RAPGEF6: variants seen among roughly 807,000 people sequenced by gnomAD.
The protein encoded by RAPGEF6 is Rap guanine nucleotide exchange factor 6.
Under a neutral mutation model 171.4 loss-of-function variants are expected in RAPGEF6, and 56 were observed. That is an observed-to-expected ratio of 0.33 (90% CI 0.26 to 0.41). RAPGEF6 has a LOEUF of 0.41. RAPGEF6 is among the 10% of genes least tolerant of loss of function. The pLI is 1.00. For missense variants in RAPGEF6, 1,674 were observed against 1,921.4 expected (o/e 0.87, Z 2.41); for synonymous variants, 692 against 650.1 (o/e 1.06, Z -0.98).
chr5:131,612,089 A>T (rs1013759246), intron 1 of RAPGEF6, among the ~76,000 whole-genome samples: 1 of 152,038 alleles, frequency 6.6e-6, no homozygotes, highest in Non-Finnish European at 1.5e-5. Context: ...GGCTGAGTGC[A>T]GTGACGGCAA....
In RAPGEF6 at chr5:131,517,816, CACACACAA is replaced by C. The variant is rs1287680710; in HGVS notation, c.627+3566_627+3573del. Among the ~76,000 whole-genome samples the C allele has an allele frequency of 2.0e-4, 26 of 127,772 alleles. No homozygotes were observed. In the South Asian group the frequency reaches 3.8e-3, roughly 19 times the overall value. The allele number at this position is 127,772 out of a possible 152,430, so 83.8% of individuals were successfully genotyped here. A position where few individuals can be genotyped will look rare whatever the true frequency, so the allele number is the denominator to read the frequency against. Reference sequence around the variant, plus strand: ...ACACACACACACACACACACACACACACACACAAAATTTAGTTAGACATTTCTCTTACC... The same window carrying C: ...ACACACACACACACACACACACACACAATTTAGTTAGACATTTCTCTTACC... On this transcript the variant is annotated intron_variant, in intron 7 of 27. Coordinates refer to ENST00000509018, the MANE Select transcript of RAPGEF6 (RefSeq NM_016340.6).
chr5:131,506,545 G>A (rs764625538), intron 9 of RAPGEF6, among the ~76,000 whole-genome samples: 21 of 152,236 alleles, frequency 1.4e-4, no homozygotes, highest in Admixed American at 3.3e-4. Context: ...TGATTTAAGG[G>A]AAATCAAGAT....
chr5:131,635,021 G>T lies in RAPGEF6; in HGVS notation c.10C>A (p.Pro4Thr), dbSNP rs1352482682. ...GCCTGCCTAGCGCCAGGGTCCACGG[G>T]TGAGTTCATGGCCACGGCCCGGGTA... MNS[P>T]VDPGARQALR... The change falls in exon 1 of 28, where the codon CCC (proline) becomes ACC (threonine). Residue 4 changes from proline to threonine, a missense_variant. By Grantham distance (38) the Pro-to-Thr change is conservative. This residue lies in a region of RAPGEF6 where 1,116 missense variants were observed against 1,321.5 expected (regional missense o/e 0.84). Coordinates refer to ENST00000509018, the MANE Select transcript of RAPGEF6 (RefSeq NM_016340.6). The T allele has an allele frequency of 1.2e-6, 2 of 1,611,566 alleles. No individual in the cohort carries two copies. The highest frequency in any genetic ancestry group is 3.3e-5 in the Admixed American group (2 of 59,896).
In RAPGEF6 at chr5:131,493,359, C is replaced by T. The variant is rs551442154; in HGVS notation, c.1528-574G>A. Among the ~76,000 whole-genome samples the T allele has an allele frequency of 1.2e-4, 19 of 152,196 alleles. No individual in the cohort carries two copies. In the South Asian group the frequency reaches 1.7e-3, roughly 13 times the overall value. On this transcript the variant is annotated intron_variant, in intron 13 of 27. Coordinates refer to ENST00000509018, the MANE Select transcript of RAPGEF6 (RefSeq NM_016340.6). ...GATTACAGGCATGAGCCACCGCGCC[C>T]GACCTACTTATCATTTCTTAAACTT...
At position 131,433,548 on chromosome 5, in the gene RAPGEF6, C is replaced by T. The variant is rs767825154; in HGVS notation, c.3856G>A (p.Ala1286Thr). 2.5e-6 allele frequency: 4 copies of T among 1,613,036 alleles called. No homozygotes were observed. Among genetic ancestry groups the T allele is most frequent in the East Asian group, 2.2e-5 (1 of 44,880 alleles). Residue 1286 changes from alanine (A) to threonine (T), a missense_variant, in exon 25 of 28, where the codon GCA becomes ACA. Physicochemically the swap from Ala to Thr is moderately conservative, Grantham distance 58. This residue lies in a region of RAPGEF6 where 552 missense variants were observed against 574.2 expected (regional missense o/e 0.96). Coordinates refer to ENST00000509018, the MANE Select transcript of RAPGEF6 (RefSeq NM_016340.6). Reference sequence around the variant, plus strand: ...GAACACCGTTCATCCTGTAGAGCTGCAGACATGGAGTCAACAGAACAATTG... The same window carrying T: ...GAACACCGTTCATCCTGTAGAGCTGTAGACATGGAGTCAACAGAACAATTG... The part of the protein sequence containing the change: ...VSNCSVDSMS[A>T]ALQDERCSSQ...
At chr5:131,578,722 C>T (rs112117139) in intron 4 of RAPGEF6, among the ~76,000 whole-genome samples, 1,640 of 152,318 alleles carry the variant, frequency 0.011, 19 homozygotes, top group Admixed American at 0.019. Context: ...AACCCAGTCA[C>T]GCACATTAAC....
chr5:131,588,287 A>C (rs886498531), intron 4 of RAPGEF6, among the ~76,000 whole-genome samples: 1 of 152,228 alleles, frequency 6.6e-6, no homozygotes, highest in Non-Finnish European at 1.5e-5. Flanking sequence ...AACAGGCAGC[A>C]AAAGAGGTTA....
Position 131,492,693 on chromosome 5 carries a change from G to C in RAPGEF6, c.1620C>G (p.Ser540=), listed in dbSNP as rs1756361626. ...QVVLQKASRE[S]PLQFSLNGGS... is the part of the protein sequence containing the mutation. ...CTCCATTAAGGCTGAATTGTAGAGG[G>C]GACTCGCGGGAAGCCTTTTGCAGCA... Residue 540 remains serine, a synonymous_variant, in exon 14 of 28, where the codon TCC becomes TCG. Transcript: ENST00000509018. The C allele has an allele frequency of 1.2e-6, 2 of 1,614,076 alleles. No individual in the cohort carries two copies. Among genetic ancestry groups the C allele is most frequent in the East Asian group, 4.5e-5 (2 of 44,884 alleles).
intron 5 of RAPGEF6, among the ~76,000 whole-genome samples, chr5:131,557,150 C>A (rs909987021): frequency 5.9e-5 from 9 of 152,126 alleles, no homozygotes; most frequent in Non-Finnish European, 1.3e-4. Context: ...CCTTTATCCC[C>A]ATTTTTAAAA....
intron 4 of RAPGEF6, among the ~76,000 whole-genome samples, chr5:131,565,426 C>T (rs1246898737): frequency 4.6e-5 from 7 of 152,050 alleles, no homozygotes; most frequent in Non-Finnish European, 1.0e-4. Flanking sequence ...CAATTCTCTC[C>T]GAAGTGTTCT....
chr5:131,568,119 C>G (rs1424996545), intron 4 of RAPGEF6, among the ~76,000 whole-genome samples: 1 of 152,156 alleles, frequency 6.6e-6, no homozygotes, highest in Non-Finnish European at 1.5e-5. Context: ...TGAATTGTCA[C>G]AGAACCTGAT....
At chr5:131,450,298 C>T (rs1244567205) in intron 21 of RAPGEF6, among the ~76,000 whole-genome samples, 2 of 151,970 alleles carry the variant, frequency 1.3e-5, no homozygotes, top group African/African-American at 4.8e-5. Context: ...ATTTTAAATA[C>T]CTAATTCATC....
chr5:131,483,212 G>A (rs1213887194), intron 15 of RAPGEF6, among the ~76,000 whole-genome samples: 3 of 151,926 alleles, frequency 2.0e-5, no homozygotes, highest in African/African-American at 7.3e-5. Flanking sequence ...AGCGGGGCAC[G>A]GTGGCGCATG....
At position 131,635,153 on chromosome 5, in the gene RAPGEF6, T is replaced by C. The variant is rs1266441542; in HGVS notation, c.-123A>G. On this transcript the variant is annotated 5_prime_UTR_variant, in exon 1 of 28. Transcript: ENST00000509018. Reference sequence around the variant, plus strand: ...GAGGGAACTTCGCGCCGTAACAAGGTCCGAACTCTAGCAAACAACCCTTCG... The same window carrying C: ...GAGGGAACTTCGCGCCGTAACAAGGCCCGAACTCTAGCAAACAACCCTTCG... 1.9e-6 allele frequency: 2 copies of C among 1,038,160 alleles called. No individual in the cohort carries two copies. Among genetic ancestry groups the C allele is most frequent in the Non-Finnish European group, 2.7e-6 (2 of 736,554 alleles). The allele number at this position is 1,038,160 out of a possible 1,614,324, so 64.3% of individuals were successfully genotyped here.
intron 7 of RAPGEF6, among the ~76,000 whole-genome samples, chr5:131,519,972 T>A (rs1758365313): frequency 6.6e-6 from 1 of 152,202 alleles, no homozygotes; most frequent in Non-Finnish European, 1.5e-5. Flanking sequence ...TTGTTCTCTC[T>A]ACTATAAAAT....
intron 6 of RAPGEF6, among the ~76,000 whole-genome samples, chr5:131,533,592 T>C (rs745313534): frequency 6.6e-6 from 1 of 152,010 alleles, no homozygotes; most frequent in Non-Finnish European, 1.5e-5. Flanking sequence ...ATATACAAAC[T>C]AGTACTAAGA....
At chr5:131,634,145 C>A (rs1580712512) in intron 1 of RAPGEF6, among the ~76,000 whole-genome samples, 1 of 151,528 alleles carries the variant, frequency 6.6e-6, no homozygotes, top group Admixed American at 6.6e-5. Context: ...TCATTTACTG[C>A]AACTTTAAAC....
chr5:131,531,967 T>G (rs1759413796), intron 6 of RAPGEF6: 2 of 284,364 alleles, frequency 7.0e-6, no homozygotes, highest in Admixed American at 5.1e-5. Context: ...TAAAAAAAAA[T>G]GGCAATGAGA....
intron 4 of RAPGEF6, among the ~76,000 whole-genome samples, chr5:131,578,964 T>C (rs986064195): frequency 6.6e-6 from 1 of 152,146 alleles, no homozygotes; most frequent in African/African-American, 2.4e-5. Context: ...CTCACTAACT[T>C]CAAGAATGAA....
Sources: allele counts gnomAD v4.1 joint callset (sites outside exome capture counted in the v4.1 genomes callset), GRCh38; gene constraint gnomAD v4.1.1; regional missense constraint gnomAD v4.1.1; transcripts MANE v1.5; gene names NCBI Gene and HGNC (gene_info 2026-07-23, HGNC 2026-07-21).